The following DDX23 variants were observed in gnomAD, a reference collection of about 807,000 sequenced individuals.
The protein encoded by DDX23 is DEAD-box helicase 23.
Under a neutral mutation model 102.7 loss-of-function variants are expected in DDX23, and 33 were observed. The observed-to-expected ratio is 0.32, with a 90% CI of 0.24 to 0.43. DDX23 has a LOEUF of 0.43. DDX23 is among the 20% of genes least tolerant of loss of function. The probability of loss-of-function intolerance (pLI) is 1.00; values close to 1 mark genes in which losing one functional copy is unlikely to be tolerated. For synonymous variants in DDX23, 352 were observed against 376.0 expected, an observed-to-expected ratio of 0.94 and a Z score of 0.74; for missense variants, 549 against 1,086.6, an observed-to-expected ratio of 0.51 and a Z score of 6.96.
intron 5 of DDX23, among the ~76,000 whole-genome samples, chr12:48,838,579 C>T (rs927878129): frequency 1.3e-5 from 2 of 150,800 alleles, no homozygotes; most frequent in African/African-American, 2.4e-5. Flanking sequence ...TGGCCGAGTG[C>T]GGTGGCTTGT....
intron 3 of DDX23, among the ~76,000 whole-genome samples, chr12:48,842,158 C>A (rs1445496928): frequency 6.6e-6 from 1 of 151,594 alleles, no homozygotes; most frequent in Admixed American, 6.5e-5. Context: ...GCAGCCACCC[C>A]GTCCGGGAGG....
intron 12 of DDX23, 118 bp from the exon 13 acceptor site, chr12:48,833,637 T>A: frequency 7.7e-7 from 1 of 1,305,946 alleles, no homozygotes; most frequent in Non-Finnish European, 1.0e-6. Context: ...GACCCCAACC[T>A]CTGGTTATGT....
chr12:48,837,308 T>C lies in DDX23; in HGVS notation c.839A>G (p.Glu280Gly). Reference sequence around the variant, plus strand: ...GGGGTTGTAGTCAATGGATGTGTCCTCAGATGCATCCCACTCAAAAACAAA... The same window carrying C: ...GGGGTTGTAGTCAATGGATGTGTCCCCAGATGCATCCCACTCAAAAACAAA... ...RKFVFEWDAS[E>G]DTSIDYNPLY... The change falls in exon 8 of 17, where the codon GAG (glutamate) becomes GGG (glycine). Residue 280 changes from glutamate (E) to glycine (G), a missense_variant. By Grantham distance (98) the Glu-to-Gly change is moderately conservative. Around this residue, in one of 4 missense-constraint regions of DDX23, gnomAD observed 270 missense variants for 707.0 expected, o/e 0.38. Transcript: ENST00000308025. The C allele has an allele frequency of 6.2e-7, 1 of 1,614,142 alleles. No homozygotes were observed. The highest frequency in any genetic ancestry group is 8.5e-7 in the Non-Finnish European group (1 of 1,180,032).
At position 48,843,963 on chromosome 12, in the gene DDX23, C is replaced by G. The variant is rs144508837; in HGVS notation, c.297G>C (p.Arg99=). The stretch of plus-strand genomic sequence containing the variant: ...ACCTGGATCGTTTACGGTCCTTGTC[C>G]CGTCTGTGCCCATCCTTGTCTCGAT... ...DRDRDKDGHR[R]DKDRKRSSLS... Residue 99 remains arginine (R), a synonymous_variant, in exon 3 of 17, where the codon CGG becomes CGC. Coordinates refer to ENST00000308025, the MANE Select transcript of DDX23 (RefSeq NM_004818.3). 5.6e-6 allele frequency: 9 copies of G among 1,614,138 alleles called. 1 individual carries two copies. In the African/African-American group the frequency reaches 1.2e-4, roughly 22 times the overall value.
chr12:48,833,659 G>T (rs1938423234), intron 12 of DDX23, 140 bp from the exon 13 acceptor site: 4 of 1,062,664 alleles, frequency 3.8e-6, no homozygotes, highest in Admixed American at 5.3e-5. Flanking sequence ...TAGCAGTAAA[G>T]GCTCCTGCAA....
chr12:48,829,875 C>A lies in DDX23; in HGVS notation c.*594G>T. ...GACACAGCCAGTTCACCGTGTCCCC[C>A]CATCTACTTAGAAAATCCCCTGGGG... On this transcript the variant is annotated 3_prime_UTR_variant, in exon 17 of 17. Transcript: ENST00000308025. 1 of 255,412 alleles carries A rather than the reference C, an allele frequency of 3.9e-6. No individual in the cohort carries two copies. The highest frequency in any genetic ancestry group is 7.7e-6 in the Non-Finnish European group (1 of 129,992). 15.8% of individuals were successfully genotyped at this position (255,412 alleles called of 1,614,324 possible). A position where few individuals can be genotyped will look rare whatever the true frequency, so the allele number is the denominator to read the frequency against.
chr12:48,837,101 A>G, intron 8 of DDX23, 64 bp from the exon 9 acceptor site: 1 of 1,605,210 alleles, frequency 6.2e-7, no homozygotes, highest in Admixed American at 1.7e-5. Flanking sequence ...AAGGAAGGGC[A>G]GACTACTAGT....
intron 8 of DDX23, 45 bp downstream of exon 8, chr12:48,837,236 C>G (rs201388008): frequency 3.1e-6 from 5 of 1,595,120 alleles, no homozygotes; most frequent in East Asian, 2.2e-5. Flanking sequence ...CTCTCTAGGA[C>G]TGCCTAGTGG....
chr12:48,833,599 T>C, intron 12 of DDX23, 80 bp from the exon 13 acceptor site: 1 of 1,538,178 alleles, frequency 6.5e-7, no homozygotes, highest in Non-Finnish European at 8.8e-7. Context: ...CCCACTTGGG[T>C]GACAGACCTC....
At position 48,842,416 on chromosome 12, in the gene DDX23, C is replaced by T. The variant is rs1230695223; in HGVS notation, c.320+1524G>A. 1.6e-4 allele frequency among the ~76,000 whole-genome samples: 22 copies of T among 140,932 alleles called. 1 individual carries two copies. Among genetic ancestry groups the T allele is most frequent in the Admixed American group, 4.2e-4 (6 of 14,444 alleles). The allele number at this position is 140,932 out of a possible 152,430, so 92.5% of individuals were successfully genotyped here. A position where few individuals can be genotyped will look rare whatever the true frequency, so the allele number is the denominator to read the frequency against. ...AAGGAGGTGGGGGAGGTCAGCCCCC[C>T]GCCCGGCCAGCCGCCCCATCCGGGA... On this transcript the variant is annotated intron_variant, in intron 3 of 16. Coordinates refer to ENST00000308025, the MANE Select transcript of DDX23 (RefSeq NM_004818.3).
At chr12:48,833,547 G>A in intron 12 of DDX23, 28 bp from the exon 13 acceptor site, 2 of 1,604,804 alleles carry the variant, frequency 1.2e-6, no homozygotes, top group Non-Finnish European at 1.7e-6. Context: ...ATCATTTATA[G>A]CCCAGCAGGT....
chr12:48,850,254 G>T (rs537936811), intron 1 of DDX23, among the ~76,000 whole-genome samples: 33 of 152,300 alleles, frequency 2.2e-4, no homozygotes, highest in African/African-American at 7.9e-4. Flanking sequence ...AAAGCTAACA[G>T]GACTTACTAA....
chr12:48,833,088 G>A lies in DDX23; in HGVS notation c.1803+189C>T, dbSNP rs145915011. ...GACCACTGCCTCCCAGGCTTAAGAGGTCCTCCCACCTCAGCCTCCTGAGTG... is the reference window on the plus strand; with the variant it reads ...GACCACTGCCTCCCAGGCTTAAGAGATCCTCCCACCTCAGCCTCCTGAGTG... On this transcript the variant is annotated intron_variant, in intron 13 of 16. Coordinates refer to ENST00000308025, the MANE Select transcript of DDX23 (RefSeq NM_004818.3). 4.8e-3 allele frequency among the ~76,000 whole-genome samples: 726 copies of A among 152,198 alleles called. 6 individuals carry two copies. The highest frequency in any genetic ancestry group is 0.014 in the Middle Eastern group (4 of 294).
rs1938467498 is a variant in DDX23, at chr12:48,836,320, G to A, written c.1237-54C>T. ...GTACAGGGAGAGTTATACCACCTGGGCAACCACTGATAGTAGTAAGCACAT... is the reference window on the plus strand; with the variant it reads ...GTACAGGGAGAGTTATACCACCTGGACAACCACTGATAGTAGTAAGCACAT... On this transcript the variant is annotated intron_variant, in intron 10 of 16. Transcript: ENST00000308025. This position sits in a 1 kb window ranked among gnomAD's most constrained non-coding sequence, Gnocchi z 6.1. The A allele has an allele frequency of 3.8e-6, 6 of 1,588,726 alleles. No individual in the cohort carries two copies. Among genetic ancestry groups the A allele is most frequent in the Admixed American group, 1.7e-5 (1 of 59,774 alleles).
At chr12:48,840,266 T>C in intron 3 of DDX23, 160 bp from the exon 4 acceptor site, 1 of 702,392 alleles carries the variant, frequency 1.4e-6, no homozygotes, top group Non-Finnish European at 2.6e-6. Flanking sequence ...GGCATGGTCA[T>C]TCTGCCAGCT....
Position 48,829,805 on chromosome 12 carries a change from T to C in DDX23, c.*664A>G, listed in dbSNP as rs1313314921. 4 of 215,512 alleles carry C rather than the reference T, an allele frequency of 1.9e-5. No individual in the cohort carries two copies. The highest frequency in any genetic ancestry group is 2.8e-5 in the Non-Finnish European group (3 of 106,680). 13.3% of individuals were successfully genotyped at this position (215,512 alleles called of 1,614,324 possible). A position where few individuals can be genotyped will look rare whatever the true frequency, so the allele number is the denominator to read the frequency against. ...TATTCTCAGAACATACAAACTTATC[T>C]TCTCAGAGAATAGAAAACAGAGATT... is the stretch of plus-strand genomic sequence containing the variant. On this transcript the variant is annotated 3_prime_UTR_variant, in exon 17 of 17. Coordinates refer to ENST00000308025, the MANE Select transcript of DDX23 (RefSeq NM_004818.3).
chr12:48,848,301 C>CAAAAAAAAAAA (rs1162953994), intron 1 of DDX23, among the ~76,000 whole-genome samples: 1 of 135,708 alleles, frequency 7.4e-6, no homozygotes, highest in African/African-American at 2.6e-5. Context: ...CAAAACAAAA[C>CAAAAAAAAAAA]AAAAAACAAA....
At chr12:48,850,856 T>C (rs1938744536) in intron 1 of DDX23, among the ~76,000 whole-genome samples, 1 of 152,160 alleles carries the variant, frequency 6.6e-6, no homozygotes, top group African/African-American at 2.4e-5. Context: ...GCTGTTTCAG[T>C]TGCATTGCGG....
At position 48,848,099 on chromosome 12, in the gene DDX23, CAG is replaced by C. The variant is rs1295618469; in HGVS notation, c.1-2319_1-2318del. Among the ~76,000 whole-genome samples, 3 of 152,098 alleles carry C rather than the reference CAG, an allele frequency of 2.0e-5. No individual in the cohort carries two copies. In the East Asian group the frequency reaches 5.8e-4, roughly 29 times the overall value. On this transcript the variant is annotated intron_variant, in intron 1 of 16. Coordinates refer to ENST00000308025, the MANE Select transcript of DDX23 (RefSeq NM_004818.3). ...AGGAGATCAAGACCATCCTGGCTAA[CAG>C]GGTGAAACCCCGTCTCCACTAAAAA...
Sources: gnomAD v4.1 joint callset for allele counts (sites outside exome capture counted in the v4.1 genomes callset) on GRCh38, gnomAD v4.1.1 for gene constraint, gnomAD v4.1.1 regional missense constraint, Gnocchi (gnomAD v3.1) non-coding constraint, MANE v1.5 for transcripts, NCBI Gene and HGNC (gene_info 2026-07-23, HGNC 2026-07-21) for gene names.